Variants in GRIK2 observed in about 807,000 individuals in gnomAD.
GRIK2 encodes the protein glutamate ionotropic receptor kainate type subunit 2.
A neutral mutation model predicts 100.3 loss-of-function variants in GRIK2; 32 were observed. The observed-to-expected ratio is 0.32, with a 90% CI of 0.24 to 0.43. The LOEUF (loss-of-function observed/expected upper bound fraction) is 0.43. Among genes scored for constraint, GRIK2 ranks in the 20% least tolerant of loss-of-function variants. The probability of loss-of-function intolerance (pLI) is 1.00; values close to 1 mark genes in which losing one functional copy is unlikely to be tolerated. For missense variants in GRIK2, 843 were observed against 1,114.9 expected, an observed-to-expected ratio of 0.76 and a Z score of 3.47; for synonymous variants, 417 against 389.4, an observed-to-expected ratio of 1.07 and a Z score of -0.83.
chr6:101,607,488 C>T (rs970505635), intron 2 of GRIK2, among the ~76,000 whole-genome samples: 2 of 151,936 alleles, frequency 1.3e-5, no homozygotes, highest in African/African-American at 2.4e-5. Context: ...GCTGCTGAAA[C>T]GTGTTATTCT....
chr6:101,664,625 C>T (rs907402589), intron 4 of GRIK2, among the ~76,000 whole-genome samples: 2 of 152,132 alleles, frequency 1.3e-5, no homozygotes, highest in African/African-American at 4.8e-5. Flanking sequence ...TGCTTTTTTT[C>T]ATATCAGTGA....
intron 16 of GRIK2, among the ~76,000 whole-genome samples, chr6:102,064,631 C>T (rs2253370): frequency 0.4 from 60,804 of 150,600 alleles, 12,404 homozygotes; most frequent in Middle Eastern, 0.49. Flanking sequence ...TTTGTCTCTA[C>T]TTAATGATAA....
At chr6:101,563,499 T>C (rs779775903) in intron 2 of GRIK2, among the ~76,000 whole-genome samples, 1 of 152,196 alleles carries the variant, frequency 6.6e-6, no homozygotes, top group Non-Finnish European at 1.5e-5. Context: ...TTTCCAATGA[T>C]GTACTTAGGT....
At chr6:101,780,809 C>G (rs997674921) in intron 7 of GRIK2, among the ~76,000 whole-genome samples, 3 of 151,998 alleles carry the variant, frequency 2.0e-5, no homozygotes, top group Non-Finnish European at 4.4e-5. Context: ...CCTCTTAGGC[C>G]CCAGCGTGAA....
chr6:101,975,797 A>ATCTATCTGTCTGTCTGTCTG (rs1389282229), intron 14 of GRIK2, among the ~76,000 whole-genome samples: 2 of 118,650 alleles, frequency 1.7e-5, no homozygotes, highest in South Asian at 2.8e-4. Context: ...CTGTCTGTCT[A>ATCTATCTGTCTGTCTGTCTG]TCTATCTATC....
At chr6:102,018,311 A>C (rs759240526) in intron 14 of GRIK2, among the ~76,000 whole-genome samples, 1 of 151,704 alleles carries the variant, frequency 6.6e-6, no homozygotes, top group South Asian at 2.1e-4. Flanking sequence ...TTTCCCTTCT[A>C]CTCCATGGAA....
intron 2 of GRIK2, among the ~76,000 whole-genome samples, chr6:101,523,248 C>G (rs571473425): frequency 6.6e-6 from 1 of 152,098 alleles, no homozygotes. Flanking sequence ...AACCTCCTCC[C>G]TCACCCAATT....
intron 2 of GRIK2, among the ~76,000 whole-genome samples, chr6:101,414,429 T>G (rs1433728097): frequency 6.6e-6 from 1 of 152,188 alleles, no homozygotes; most frequent in African/African-American, 2.4e-5. Context: ...CCAAATTATT[T>G]TAAGTGTTTA....
intron 2 of GRIK2, among the ~76,000 whole-genome samples, chr6:101,616,032 C>T (rs1011340207): frequency 1.3e-5 from 2 of 151,772 alleles, no homozygotes; most frequent in Admixed American, 6.6e-5. Context: ...GTGTCCTCCT[C>T]CCCTAGGCTT....
At chr6:101,793,086 G>T (rs1357798627) in intron 7 of GRIK2, among the ~76,000 whole-genome samples, 1 of 152,050 alleles carries the variant, frequency 6.6e-6, no homozygotes, top group Non-Finnish European at 1.5e-5. Flanking sequence ...TCTCTGTATT[G>T]TTTATTCTAT....
chr6:101,761,592 G>A (rs1676873967), intron 7 of GRIK2, among the ~76,000 whole-genome samples: 1 of 151,988 alleles, frequency 6.6e-6, no homozygotes, highest in Admixed American at 6.6e-5. Flanking sequence ...ACTCCACACT[G>A]AAGCAACAAA....
intron 14 of GRIK2, among the ~76,000 whole-genome samples, chr6:101,984,185 A>G (rs894553296): frequency 2.6e-5 from 4 of 151,740 alleles, no homozygotes; most frequent in African/African-American, 4.8e-5. Flanking sequence ...GAATTACCTT[A>G]TAAGTGCTTA....
chr6:101,743,750 A>G (rs561496142), intron 7 of GRIK2, among the ~76,000 whole-genome samples: 1 of 152,316 alleles, frequency 6.6e-6, no homozygotes, highest in South Asian at 2.1e-4. Context: ...AAAAATAATT[A>G]AAAATTTCAG....
At position 101,574,616 on chromosome 6, in the gene GRIK2, C is replaced by T. The variant is rs546289771; in HGVS notation, c.116-47333C>T. Among the ~76,000 whole-genome samples, 23 of 151,378 alleles carry T rather than the reference C, an allele frequency of 1.5e-4. 1 individual carries two copies. Among genetic ancestry groups the T allele is most frequent in the South Asian group, 4.2e-4 (2 of 4,816 alleles). On this transcript the variant is annotated intron_variant, in intron 2 of 16. Coordinates refer to ENST00000369134, the MANE Select transcript of GRIK2 (RefSeq NM_021956.5). ...TTAATAATTCTCATCTCTGTGTTTT[C>T]GGACTACCTACTACCAGCATGTACA...
intron 15 of GRIK2, among the ~76,000 whole-genome samples, chr6:102,041,054 T>C (rs1770539638): frequency 2.0e-5 from 3 of 151,590 alleles, no homozygotes; most frequent in Non-Finnish European, 4.4e-5. Context: ...ATTCCTGGCA[T>C]ATTTGTTAAG....
At chr6:101,674,056 C>G (rs1014090473) in intron 4 of GRIK2, among the ~76,000 whole-genome samples, 1 of 152,120 alleles carries the variant, frequency 6.6e-6, no homozygotes, top group Non-Finnish European at 1.5e-5. Flanking sequence ...TTCTGACTCA[C>G]CTTTATGAAG....
At chr6:101,661,873 ATC>A (rs1769644486) in intron 4 of GRIK2, among the ~76,000 whole-genome samples, 2 of 152,064 alleles carry the variant, frequency 1.3e-5, no homozygotes, top group South Asian at 4.1e-4. Context: ...TTCTGCATTG[ATC>A]TCTCTGGGAG....
At chr6:101,764,690 C>G (rs926481589) in intron 7 of GRIK2, among the ~76,000 whole-genome samples, 5 of 152,038 alleles carry the variant, frequency 3.3e-5, no homozygotes, top group African/African-American at 1.2e-4. Context: ...CCCTGTTACC[C>G]AGGCTGAAGT....
intron 2 of GRIK2, among the ~76,000 whole-genome samples, chr6:101,536,594 A>G (rs1775704122): frequency 2.0e-5 from 3 of 151,750 alleles, no homozygotes. Flanking sequence ...AATTATACCC[A>G]GGCTAAAGTT....
Sources: allele counts gnomAD v4.1 joint callset (sites outside exome capture counted in the v4.1 genomes callset), GRCh38; gene constraint gnomAD v4.1.1; transcripts MANE v1.5; gene names NCBI Gene and HGNC (gene_info 2026-07-23, HGNC 2026-07-21).